Variants in ZNF280C observed in about 807,000 individuals in gnomAD.
ZNF280C encodes the protein suppressor of hairy wing homolog 3.
A neutral mutation model predicts 53.6 loss-of-function variants in ZNF280C; 14 were observed. The observed-to-expected ratio is 0.26, with a 90% CI of 0.17 to 0.41. The LOEUF (loss-of-function observed/expected upper bound fraction) is 0.41, where lower values mean the gene tolerates loss of function less well. Among genes scored for constraint, ZNF280C ranks in the 10% least tolerant of loss-of-function variants. ZNF280C has a pLI of 1.00. For synonymous variants in ZNF280C, 203 were observed against 181.1 expected (o/e 1.12, Z -0.97); for missense variants, 416 against 547.1 (o/e 0.76, Z 2.39).
At chrX:130,207,184 G>A (rs1018976300) in intron 16 of ZNF280C, among the ~76,000 whole-genome samples, 2 of 111,157 alleles carry the variant, frequency 1.8e-5, no homozygotes, top group African/African-American at 6.5e-5. Context: ...GTCTCATGCA[G>A]CTACAACTCA....
intron 9 of ZNF280C, among the ~76,000 whole-genome samples, chrX:130,229,698 C>A (rs1230422786): frequency 3.6e-5 from 4 of 112,241 alleles, no homozygotes; most frequent in African/African-American, 1.3e-4. Flanking sequence ...ACTGTTAGCA[C>A]AAACTATTCA....
At chrX:130,208,061 CATTTT>C (rs2031996417) in intron 16 of ZNF280C, among the ~76,000 whole-genome samples, 1 of 112,213 alleles carries the variant, frequency 8.9e-6, no homozygotes, top group Admixed American at 9.4e-5. Context: ...AAGAATATTT[CATTTT>C]AACAAAATAG....
chrX:130,252,703 A>G (rs766224706), intron 2 of ZNF280C, among the ~76,000 whole-genome samples: 68 of 94,837 alleles, frequency 7.2e-4, no homozygotes, highest in South Asian at 2.3e-3. Flanking sequence ...CTGGTGACAG[A>G]GTGAGACTCC....
At chrX:130,264,127 C>A (rs1438570342) in intron 1 of ZNF280C, among the ~76,000 whole-genome samples, 1 of 109,457 alleles carries the variant, frequency 9.1e-6, no homozygotes, top group Non-Finnish European at 1.9e-5. Context: ...GAAAAAGTAC[C>A]AAAGAAAGAA....
rs190031863 is a variant in ZNF280C at position 130,253,197 on chromosome X, A to G, written c.32-6192T>C. 5.3e-5 allele frequency among the ~76,000 whole-genome samples: 6 copies of G among 112,443 alleles called. No homozygotes were observed. In the Admixed American group the frequency reaches 5.7e-4, roughly 11 times the overall value. ...CAAAAAGAATAAAATACCTAGGAAT[A>G]GAGCTAACCAGGGAGGTTAAAGATC... On this transcript the variant is annotated intron_variant, in intron 2 of 18. Coordinates refer to ENST00000370978, the MANE Select transcript of ZNF280C (RefSeq NM_017666.5).
chrX:130,205,707 C>T (rs1376805948), intron 16 of ZNF280C, among the ~76,000 whole-genome samples: 1 of 109,066 alleles, frequency 9.2e-6, no homozygotes, highest in Non-Finnish European at 1.9e-5. Context: ...GGTGAAACCT[C>T]GTCTCTACTA....
At chrX:130,216,193 G>A (rs904492199) in intron 13 of ZNF280C, 92 bp from the exon 14 acceptor site, 82 of 841,904 alleles carry the variant, frequency 9.7e-5, no homozygotes, top group Non-Finnish European at 1.3e-4. Flanking sequence ...TCACATTTAC[G>A]GTAAACTGGC....
At chrX:130,221,917 T>C (rs2032168409) in intron 12 of ZNF280C, among the ~76,000 whole-genome samples, 2 of 111,611 alleles carry the variant, frequency 1.8e-5, no homozygotes, top group South Asian at 3.8e-4. Flanking sequence ...ATTCTGACTC[T>C]GGCTTACAAG....
Position 130,212,972 on chromosome X carries a change from G to T in ZNF280C, c.1979+2221C>A, listed in dbSNP as rs187361969. Among the ~76,000 whole-genome samples the T allele has an allele frequency of 2.1e-4, 24 of 112,161 alleles. No homozygotes were observed. In the East Asian group the frequency reaches 6.4e-3, roughly 30 times the overall value. ...GGAAAAAGTTAATCTTGAGAAAAAC[G>T]AAAAGTATGACCTCTGAGTAATTAT... On this transcript the variant is annotated intron_variant, in intron 15 of 18. Transcript: ENST00000370978.
intron 12 of ZNF280C, among the ~76,000 whole-genome samples, chrX:130,226,400 T>C (rs979153358): frequency 8.0e-5 from 9 of 111,826 alleles, no homozygotes; most frequent in African/African-American, 2.9e-4. Context: ...ACCTTCAAAG[T>C]CATTCCCAGT....
chrX:130,216,048 A>C lies in ZNF280C; in HGVS notation c.1581T>G (p.Pro527=). Residue 527 remains proline (P), a synonymous_variant, in exon 14 of 19, where the codon CCT becomes CCG. Coordinates refer to ENST00000370978, the MANE Select transcript of ZNF280C (RefSeq NM_017666.5). ...AAGAAGTGCCTGGAGCGCAACCGAA[A>C]GGTGCAGTTGGTAATTTTGACTGGA... ...GPLQSKLPTA[P]FGCAPGTSFL... 3 of 1,211,849 alleles carry C rather than the reference A, an allele frequency of 2.5e-6. No homozygotes were observed. The highest frequency in any genetic ancestry group is 3.4e-6 in the Non-Finnish European group (3 of 895,449).
At chrX:130,241,277 C>T (rs1360514151) in intron 5 of ZNF280C, among the ~76,000 whole-genome samples, 2 of 112,116 alleles carry the variant, frequency 1.8e-5, no homozygotes, top group East Asian at 2.8e-4. Flanking sequence ...TCAATTCATT[C>T]GAGAATATCT....
At chrX:130,266,167 AAAGT>A (rs1217322228) in intron 1 of ZNF280C, among the ~76,000 whole-genome samples, 2 of 112,759 alleles carry the variant, frequency 1.8e-5, no homozygotes, top group African/African-American at 3.2e-5. Context: ...TTTAATGAGA[AAAGT>A]AATATTGATT....
chrX:130,252,359 A>G (rs1829853653), intron 2 of ZNF280C, among the ~76,000 whole-genome samples: 1 of 111,328 alleles, frequency 9.0e-6, no homozygotes, highest in Admixed American at 9.6e-5. Context: ...AAGGACAAAA[A>G]CTATCTGATT....
intron 2 of ZNF280C, among the ~76,000 whole-genome samples, chrX:130,258,757 G>A (rs1174191565): frequency 8.9e-6 from 1 of 111,918 alleles, no homozygotes; most frequent in Non-Finnish European, 1.9e-5. Flanking sequence ...TCTTCCACCT[G>A]GAATACCCTT....
chrX:130,203,871 A>C lies in ZNF280C; in HGVS notation c.*1106T>G, dbSNP rs1261777916. ...CTGCATGCCTGCTAGAGGAAGATTA[A>C]AGAACAGCAGCCAAAATGGCTAAAC... is the stretch of plus-strand genomic sequence containing the variant. On this transcript the variant is annotated 3_prime_UTR_variant, in exon 19 of 19. Transcript: ENST00000370978. 9.0e-6 allele frequency: 1 copy of C among 111,379 alleles called. No individual in the cohort carries two copies. Among genetic ancestry groups the C allele is most frequent in the Admixed American group, 9.6e-5 (1 of 10,392 alleles). 9.2% of individuals were successfully genotyped at this position (111,379 alleles called of 1,213,427 possible).
At position 130,221,546 on chromosome X, in the gene ZNF280C, C is replaced by T. The variant is rs149539531; in HGVS notation, c.1396-1066G>A. The stretch of plus-strand genomic sequence containing the variant: ...GGAAGGGCACAAAATCTGTTCCTTC[C>T]CTACTCTTCCCAATATCTCAGTATA... On this transcript the variant is annotated intron_variant, in intron 12 of 18. Transcript: ENST00000370978. Among the ~76,000 whole-genome samples the T allele has an allele frequency of 3.6e-3, 400 of 111,321 alleles. 1 individual carries two copies. Among genetic ancestry groups the T allele is most frequent in the South Asian group, 0.024 (63 of 2,625 alleles).
At chrX:130,268,047 T>C (rs969736848) in intron 1 of ZNF280C, among the ~76,000 whole-genome samples, 7 of 112,077 alleles carry the variant, frequency 6.2e-5, no homozygotes, top group African/African-American at 1.6e-4. Context: ...CCTCCATCTC[T>C]AGAGCAGGAG....
At chrX:130,224,586 G>C (rs1156596595) in intron 12 of ZNF280C, among the ~76,000 whole-genome samples, 1 of 111,743 alleles carries the variant, frequency 8.9e-6, no homozygotes, top group Non-Finnish European at 1.9e-5. Context: ...ATAGCTTCTA[G>C]AGGATTACCA....
Sources: gnomAD v4.1 joint callset for allele counts (sites outside exome capture counted in the v4.1 genomes callset) on GRCh38, gnomAD v4.1.1 for gene constraint, MANE v1.5 for transcripts, NCBI Gene and HGNC (gene_info 2026-07-23, HGNC 2026-07-21) for gene names.